Variants in GATA4 observed in about 807,000 individuals in gnomAD.
GATA4 encodes the protein transcription factor GATA-4.
In GATA4, 7 loss-of-function variants were observed where a neutral mutation model predicts 37.9. That is an observed-to-expected ratio of 0.18 (90% CI 0.11 to 0.35). GATA4 has a LOEUF of 0.35. Ranked by LOEUF, GATA4 falls within the 10% of genes least tolerant of loss-of-function variation. The pLI is 1.00. For missense variants in GATA4, 647 were observed against 653.0 expected (o/e 0.99, Z 0.10); for synonymous variants, 372 against 292.6 (o/e 1.27, Z -2.77).
At chr8:11,756,099 GT>G (rs1276707286) in intron 5 of GATA4, among the ~76,000 whole-genome samples, 1 of 151,972 alleles carries the variant, frequency 6.6e-6, no homozygotes. Flanking sequence ...TCCTCACTCA[GT>G]ACTGCTACCC....
intron 4 of GATA4, among the ~76,000 whole-genome samples, chr8:11,754,805 C>T (rs923987038): frequency 2.6e-5 from 4 of 152,150 alleles, no homozygotes; most frequent in African/African-American, 9.7e-5. Flanking sequence ...GTCTTTAGTT[C>T]CCTATTCTCC....
intron 1 of GATA4, chr8:11,697,627 G>C (rs1490733421): frequency 3.0e-6 from 3 of 985,296 alleles, no homozygotes; most frequent in Non-Finnish European, 3.6e-6. Flanking sequence ...CCGGGCCTCC[G>C]GCCCCAGCAC....
chr8:11,741,161 T>C (rs1007054726), intron 2 of GATA4, among the ~76,000 whole-genome samples: 10 of 152,198 alleles, frequency 6.6e-5, no homozygotes, highest in Admixed American at 6.5e-4. Flanking sequence ...TTCACCACCA[T>C]ACTTTTGTTT....
At chr8:11,711,219 G>A (rs1011873057) in intron 2 of GATA4, among the ~76,000 whole-genome samples, 2 of 152,228 alleles carry the variant, frequency 1.3e-5, no homozygotes, top group Admixed American at 6.5e-5. Context: ...AAATTCCCAT[G>A]TCAGCAAATG....
rs34801514 is a variant in GATA4, at chr8:11,755,909, TA to T, written c.1000+790del. Among the ~76,000 whole-genome samples, 1,087 of 143,696 alleles carry T rather than the reference TA, an allele frequency of 7.6e-3. 7 individuals are homozygous for T. The highest frequency in any genetic ancestry group is 0.022 in the Middle Eastern group (6 of 272). 94.3% of individuals were successfully genotyped at this position (143,696 alleles called of 152,430 possible). ...GGAGAGCAGAGCAAGACCCTGTCTTTAAAAAAAAAAAAAAGAAATACATTTA... is the reference window on the plus strand; with the variant it reads ...GGAGAGCAGAGCAAGACCCTGTCTTTAAAAAAAAAAAAAGAAATACATTTA... On this transcript the variant is annotated intron_variant, in intron 5 of 6. Coordinates refer to ENST00000532059, the MANE Select transcript of GATA4 (RefSeq NM_001308093.3).
intron 1 of GATA4, among the ~76,000 whole-genome samples, chr8:11,679,298 A>T (rs1283443142): frequency 1.3e-5 from 2 of 151,454 alleles, no homozygotes; most frequent in Non-Finnish European, 2.9e-5. Flanking sequence ...AATTTTTCTG[A>T]AGGTTCTCAG....
Position 11,684,545 on chromosome 8 carries a change from G to A in GATA4, c.-274+7482G>A, listed in dbSNP as rs374706123. On this transcript the variant is annotated intron_variant, in intron 1 of 6. Transcript: ENST00000528712. ...CTAAATGTACATCGTCCCTAGGTCAGTGTAAGAGTTTAGACTCCAGTATTA... is the reference window on the plus strand; with the variant it reads ...CTAAATGTACATCGTCCCTAGGTCAATGTAAGAGTTTAGACTCCAGTATTA... Among the ~76,000 whole-genome samples the A allele has an allele frequency of 1.5e-4, 23 of 152,348 alleles. No individual in the cohort carries two copies. In the East Asian group the frequency reaches 3.1e-3, roughly 20 times the overall value.
Position 11,749,443 on chromosome 8 carries a change from C to G in GATA4, c.786+358C>G, listed in dbSNP as rs73539818. Reference sequence around the variant, plus strand: ...AGTGTCTCCTCCACCCACACCAACCCTGCAAGGAAGGTCACCTCAGAGGCT... The same window carrying G: ...AGTGTCTCCTCCACCCACACCAACCGTGCAAGGAAGGTCACCTCAGAGGCT... On this transcript the variant is annotated intron_variant, in intron 3 of 6. Transcript: ENST00000532059. This position sits in a 1 kb window ranked among gnomAD's most constrained non-coding sequence, Gnocchi z 4.6. 0.033 allele frequency among the ~76,000 whole-genome samples: 5,070 copies of G among 152,242 alleles called. 268 individuals are homozygous for G. Among genetic ancestry groups the G allele is most frequent in the African/African-American group, 0.12 (4,833 of 41,504 alleles).
chr8:11,697,661 G>T (rs1441377449), intron 1 of GATA4: 1 of 985,362 alleles, frequency 1.0e-6, no homozygotes, highest in Non-Finnish European at 1.2e-6. Context: ...GAGGACCCCG[G>T]GTCTTCGCGC....
rs772769409 is a variant in GATA4, at chr8:11,755,547, A to G, written c.1000+414A>G. 2.0e-5 allele frequency among the ~76,000 whole-genome samples: 3 copies of G among 152,214 alleles called. No individual in the cohort carries two copies. In the South Asian group the frequency reaches 6.2e-4, roughly 32 times the overall value. ...GTCCAATTAATCATGTCCCTAACAG[A>G]TTGATCTCTAAGCCAATGTATAATT... On this transcript the variant is annotated intron_variant, in intron 5 of 6. Transcript: ENST00000532059.
At chr8:11,750,776 A>AG (rs1178930144) in intron 4 of GATA4, among the ~76,000 whole-genome samples, 1 of 141,852 alleles carries the variant, frequency 7.0e-6, no homozygotes, top group African/African-American at 2.9e-5. Flanking sequence ...CTACTAAAAA[A>AG]AAAAAAAAAA....
At chr8:11,752,644 T>G (rs1418951487) in intron 4 of GATA4, among the ~76,000 whole-genome samples, 1 of 152,212 alleles carries the variant, frequency 6.6e-6, no homozygotes, top group African/African-American at 2.4e-5. Context: ...GATATATATG[T>G]GTACAGATGT....
intron 1 of GATA4, among the ~76,000 whole-genome samples, chr8:11,684,686 A>G (rs923370552): frequency 1.3e-5 from 2 of 152,190 alleles, no homozygotes; most frequent in Non-Finnish European, 2.9e-5. Context: ...TAAACCTTAG[A>G]GGACGGAAAG....
chr8:11,697,212 C>G (rs1799533350), intron 1 of GATA4, among the ~76,000 whole-genome samples: 1 of 152,256 alleles, frequency 6.6e-6, no homozygotes, highest in Non-Finnish European at 1.5e-5. Flanking sequence ...CACCAGAAGT[C>G]CCACTCTAAC....
At chr8:11,715,174 T>A (rs573705952) in intron 2 of GATA4, among the ~76,000 whole-genome samples, 1 of 152,214 alleles carries the variant, frequency 6.6e-6, no homozygotes, top group African/African-American at 2.4e-5. Context: ...ATATAGCACT[T>A]TACTGTTTGT....
chr8:11,720,038 A>G (rs1800598891), intron 2 of GATA4, among the ~76,000 whole-genome samples: 1 of 151,934 alleles, frequency 6.6e-6, no homozygotes, highest in African/African-American at 2.4e-5. Flanking sequence ...GTGACCCAAG[A>G]TCCCAGCAGC....
At chr8:11,736,703 G>T (rs1801476803) in intron 2 of GATA4, among the ~76,000 whole-genome samples, 1 of 152,204 alleles carries the variant, frequency 6.6e-6, no homozygotes, top group African/African-American at 2.4e-5. Flanking sequence ...CCTCAGATTA[G>T]ATTTTCTTTG....
At position 11,758,616 on chromosome 8, in the gene GATA4, G is replaced by A. The variant is rs992268352; in HGVS notation, c.*141G>A. 1.5e-5 allele frequency: 12 copies of A among 824,640 alleles called. No individual in the cohort carries two copies. The highest frequency in any genetic ancestry group is 1.8e-5 in the Non-Finnish European group (9 of 492,328). 51.1% of individuals were successfully genotyped at this position (824,640 alleles called of 1,614,324 possible). A position where few individuals can be genotyped will look rare whatever the true frequency, so the allele number is the denominator to read the frequency against. On this transcript the variant is annotated 3_prime_UTR_variant, in exon 7 of 7. Coordinates refer to ENST00000532059, the MANE Select transcript of GATA4 (RefSeq NM_001308093.3). ...AACAACTGGGAAGAAACTTGAAGTC[G>A]ACAATCTGGTTAGGGGAAGCGGGTG...
At chr8:11,739,876 C>A (rs946449675) in intron 2 of GATA4, among the ~76,000 whole-genome samples, 1 of 152,208 alleles carries the variant, frequency 6.6e-6, no homozygotes, top group African/African-American at 2.4e-5. Context: ...CGAAATAGCC[C>A]AGACCCAGCT....
Sources: allele counts gnomAD v4.1 joint callset (sites outside exome capture counted in the v4.1 genomes callset), GRCh38; gene constraint gnomAD v4.1.1; non-coding constraint Gnocchi (gnomAD v3.1); transcripts MANE v1.5; gene names NCBI Gene and HGNC (gene_info 2026-07-23, HGNC 2026-07-21).